HMHB1: variants seen among roughly 807,000 people sequenced by gnomAD.
HMHB1 encodes minor histocompatibility protein HB-1.
In HMHB1, 4 loss-of-function variants were observed where a neutral mutation model predicts 2.4. The observed-to-expected ratio is 1.65, with a 90% CI of 0.81 to 3.77. The LOEUF is 3.77. Ranked by LOEUF, HMHB1 falls within the 30% of genes most tolerant of loss-of-function variation. HMHB1 has a pLI of 0.01. For synonymous variants in HMHB1, 22 were observed against 17.6 expected, an observed-to-expected ratio of 1.25 and a Z score of -0.63; for missense variants, 57 against 44.2, an observed-to-expected ratio of 1.29 and a Z score of -0.82.
chr5:143,815,255 G>A (rs1013248935), intron 1 of HMHB1, among the ~76,000 whole-genome samples: 3 of 152,180 alleles, frequency 2.0e-5, no homozygotes, highest in Non-Finnish European at 2.9e-5. Flanking sequence ...CAGTTAAGAG[G>A]ACAGAAATCC....
At chr5:143,813,948 G>A (rs186282874) in intron 1 of HMHB1, among the ~76,000 whole-genome samples, 95 of 152,200 alleles carry the variant, frequency 6.2e-4, no homozygotes, top group Admixed American at 1.4e-3. Context: ...GTGTTACTAT[G>A]AGTAACACTA....
intron 1 of HMHB1, among the ~76,000 whole-genome samples, chr5:143,816,757 T>A (rs187709877): frequency 8.8e-4 from 134 of 152,338 alleles, no homozygotes; most frequent in Non-Finnish European, 1.3e-3. Flanking sequence ...AGCTCTACTT[T>A]TAGTTCTTTA....
rs190053864 is a variant in HMHB1, at chr5:143,815,920, A to C, written c.37+3616A>C. On this transcript the variant is annotated intron_variant, in intron 1 of 1. Coordinates refer to ENST00000289448, the MANE Select transcript of HMHB1 (RefSeq NM_021182.3). ...ACGGGGTTTCACCTTGTTAGCCAGG[A>C]TGGTCTCGATCTCCTGACCTCATGA... Among the ~76,000 whole-genome samples the C allele has an allele frequency of 6.7e-3, 966 of 144,402 alleles. 27 individuals are homozygous for C. The highest frequency in any genetic ancestry group is 0.019 in the African/African-American group (690 of 36,500). The allele number at this position is 144,402 out of a possible 152,430, so 94.7% of individuals were successfully genotyped here.
intron 1 of HMHB1, 81 bp downstream of exon 1, chr5:143,812,385 G>C: frequency 7.4e-7 from 1 of 1,351,822 alleles, no homozygotes; most frequent in South Asian, 1.3e-5. Context: ...GAAAATGCTG[G>C]TGGAATGAGA....
At chr5:143,816,565 T>TTG (rs1363236969) in intron 1 of HMHB1, among the ~76,000 whole-genome samples, 4 of 152,244 alleles carry the variant, frequency 2.6e-5, no homozygotes, top group Admixed American at 2.0e-4. Context: ...TAGTATTCCA[T>TTG]TGTATATATA....
chr5:143,814,892 A>G (rs1759730758), intron 1 of HMHB1, among the ~76,000 whole-genome samples: 1 of 152,220 alleles, frequency 6.6e-6, no homozygotes, highest in African/African-American at 2.4e-5. Flanking sequence ...GCTATTGCAC[A>G]AATATTGTGT....
intron 1 of HMHB1, among the ~76,000 whole-genome samples, chr5:143,812,972 T>TG (rs3996363): frequency 2.9e-4 from 43 of 150,278 alleles, no homozygotes; most frequent in African/African-American, 9.1e-4. Context: ...TTTGTTTGTT[T>TG]TTTTGTCTTG....
chr5:143,820,317 G>GT (rs1759793645), intron 1 of HMHB1, among the ~76,000 whole-genome samples, 163 bp from the exon 2 acceptor site: 4 of 4,758 alleles, frequency 8.4e-4, no homozygotes, highest in Admixed American at 2.9e-3. Context: ...CTCATCATAA[G>GT]TAAAAAAAAA....
At chr5:143,818,754 G>A (rs1759775313) in intron 1 of HMHB1, among the ~76,000 whole-genome samples, 1 of 152,016 alleles carries the variant, frequency 6.6e-6, no homozygotes, top group African/African-American at 2.4e-5. Context: ...CACATAGCGA[G>A]TACTTGCTAT....
chr5:143,817,971 G>C (rs571697238), intron 1 of HMHB1, among the ~76,000 whole-genome samples: 1 of 152,254 alleles, frequency 6.6e-6, no homozygotes, highest in South Asian at 2.1e-4. Context: ...GGATTAGAAG[G>C]CTCAATATTA....
In HMHB1 at chr5:143,820,713, C is replaced by A; in HGVS notation, c.*145C>A. ...CTGCACAGTGAAATGAAAAGTCAAC[C>A]TTTGAACATGTGTGTGTGTCTCTCA... On this transcript the variant is annotated 3_prime_UTR_variant, in exon 2 of 2. Transcript: ENST00000289448. 2.0e-6 allele frequency: 1 copy of A among 511,932 alleles called. No individual in the cohort carries two copies. The highest frequency in any genetic ancestry group is 3.6e-6 in the Non-Finnish European group (1 of 277,900). The allele number at this position is 511,932 out of a possible 1,614,324, so 31.7% of individuals were successfully genotyped here.
chr5:143,816,253 C>T (rs1269702691), intron 1 of HMHB1, among the ~76,000 whole-genome samples: 1 of 152,158 alleles, frequency 6.6e-6, no homozygotes, highest in Non-Finnish European at 1.5e-5. Context: ...TGTTTGGTTA[C>T]ATGAGTCAGT....
In HMHB1 at chr5:143,820,601, G is replaced by C. The variant is rs762783578; in HGVS notation, c.*33G>C. The C allele has an allele frequency of 8.4e-6, 12 of 1,422,406 alleles. No homozygotes were observed. In the Middle Eastern group the frequency reaches 5.2e-4, roughly 62 times the overall value. The allele number at this position is 1,422,406 out of a possible 1,614,324, so 88.1% of individuals were successfully genotyped here. ...GTTGAGGTTTGACTCGAAGCCCAGA[G>C]TTTTGGTGTGGATGAGCAGGGACAA... On this transcript the variant is annotated 3_prime_UTR_variant, in exon 2 of 2. Coordinates refer to ENST00000289448, the MANE Select transcript of HMHB1 (RefSeq NM_021182.3).
At chr5:143,814,604 T>A (rs950222963) in intron 1 of HMHB1, among the ~76,000 whole-genome samples, 34 of 152,198 alleles carry the variant, frequency 2.2e-4, no homozygotes, top group African/African-American at 8.2e-4. Context: ...TTTTTATCAC[T>A]CAAGATATTG....
chr5:143,815,494 T>A (rs941804483), intron 1 of HMHB1, among the ~76,000 whole-genome samples: 1 of 152,076 alleles, frequency 6.6e-6, no homozygotes, highest in Non-Finnish European at 1.5e-5. Context: ...CCTCTTCTAC[T>A]TTTTACTTTT....
intron 1 of HMHB1, among the ~76,000 whole-genome samples, chr5:143,816,893 CATT>C (rs1759755373): frequency 6.6e-6 from 1 of 152,168 alleles, no homozygotes. Flanking sequence ...TGATTATAGC[CATT>C]CTTGCAGAGT....
chr5:143,817,081 G>A (rs989367778), intron 1 of HMHB1, among the ~76,000 whole-genome samples: 3 of 152,044 alleles, frequency 2.0e-5, no homozygotes, highest in African/African-American at 2.4e-5. Flanking sequence ...GTTTGAGTTT[G>A]TTGTAGATTC....
chr5:143,817,188 G>A (rs547251960), intron 1 of HMHB1, among the ~76,000 whole-genome samples: 2 of 152,170 alleles, frequency 1.3e-5, no homozygotes, highest in East Asian at 3.9e-4. Context: ...TTCTTTTGCT[G>A]CGTAAAAGCT....
intron 1 of HMHB1, among the ~76,000 whole-genome samples, chr5:143,817,570 A>G (rs1230199180): frequency 1.3e-5 from 2 of 152,050 alleles, no homozygotes; most frequent in African/African-American, 4.8e-5. Flanking sequence ...CTATGTGCCT[A>G]TTTTTATACC....
Sources: gnomAD v4.1 joint callset for allele counts (sites outside exome capture counted in the v4.1 genomes callset) on GRCh38, gnomAD v4.1.1 for gene constraint, MANE v1.5 for transcripts, NCBI Gene and HGNC (gene_info 2026-07-23, HGNC 2026-07-21) for gene names.